PHF2: variants seen among roughly 807,000 people sequenced by gnomAD.
PHF2 encodes lysine-specific demethylase PHF2.
In PHF2, 27 loss-of-function variants were observed where a neutral mutation model predicts 120.5. The ratio of observed to expected loss-of-function variants is 0.22; its 90% CI spans 0.17 to 0.31. PHF2 has a LOEUF of 0.31. Among genes scored for constraint, PHF2 ranks in the 10% least tolerant of loss-of-function variants. The pLI is 1.00. For synonymous variants in PHF2, 568 were observed against 592.5 expected (o/e 0.96, Z 0.60); for missense variants, 1,024 against 1,434.8 (o/e 0.71, Z 4.63).
chr9:93,580,967 G>A (rs906354850), intron 1 of PHF2, among the ~76,000 whole-genome samples: 1 of 152,164 alleles, frequency 6.6e-6, no homozygotes, highest in Non-Finnish European at 1.5e-5. Context: ...AGCCAGTGAG[G>A]AGGTGACTGT....
At chr9:93,587,213 C>T (rs1290401974) in intron 1 of PHF2, among the ~76,000 whole-genome samples, 3 of 148,398 alleles carry the variant, frequency 2.0e-5, no homozygotes, top group South Asian at 2.2e-4. Flanking sequence ...AGAGGAGCCC[C>T]GGGTGAGGGA....
chr9:93,593,246 C>T (rs1011052697), intron 1 of PHF2, among the ~76,000 whole-genome samples: 2 of 152,118 alleles, frequency 1.3e-5, no homozygotes, highest in African/African-American at 2.4e-5. Context: ...CTGAGGGCTG[C>T]ACCCCCTGGA....
chr9:93,615,229 GTGA>G (rs1564381973), intron 1 of PHF2, among the ~76,000 whole-genome samples: 1 of 150,600 alleles, frequency 6.6e-6, no homozygotes, highest in East Asian at 2.0e-4. Context: ...GATAGTAATG[GTGA>G]TGGTGATGGT....
At chr9:93,650,983 G>A (rs1481043990) in intron 5 of PHF2, among the ~76,000 whole-genome samples, 1 of 152,076 alleles carries the variant, frequency 6.6e-6, no homozygotes, top group Non-Finnish European at 1.5e-5. Flanking sequence ...TGTGCATGGT[G>A]GCTCATGCCT....
At chr9:93,580,757 T>C (rs1168729961) in intron 1 of PHF2, among the ~76,000 whole-genome samples, 1 of 152,128 alleles carries the variant, frequency 6.6e-6, no homozygotes, top group Non-Finnish European at 1.5e-5. Flanking sequence ...AGTAAATATT[T>C]GTTGGGCTTG....
chr9:93,583,728 G>T (rs1019161743), intron 1 of PHF2, among the ~76,000 whole-genome samples: 3 of 152,034 alleles, frequency 2.0e-5, no homozygotes, highest in Non-Finnish European at 2.9e-5. Flanking sequence ...GTCTACTCAA[G>T]GCCTTTGCCC....
chr9:93,593,420 A>G (rs1010030698), intron 1 of PHF2, among the ~76,000 whole-genome samples: 2 of 152,190 alleles, frequency 1.3e-5, no homozygotes, highest in Non-Finnish European at 2.9e-5. Flanking sequence ...GCTTTTATCC[A>G]GATTGAAGGC....
At chr9:93,643,341 T>G (rs1826199502) in intron 3 of PHF2, among the ~76,000 whole-genome samples, 1 of 152,204 alleles carries the variant, frequency 6.6e-6, no homozygotes. Context: ...CAAGGACAAT[T>G]TTCTGCCTGT....
intron 1 of PHF2, among the ~76,000 whole-genome samples, chr9:93,606,674 C>CT (rs1282686112): frequency 6.6e-6 from 1 of 152,162 alleles, no homozygotes; most frequent in East Asian, 1.9e-4. Flanking sequence ...TTAACAGTGT[C>CT]TTTTGCACAG....
In PHF2 at chr9:93,656,003, G is replaced by C. The variant is rs992045761; in HGVS notation, c.1022G>C (p.Ser341Thr). ...AFAGHFLHSL[S>T]VEMQMRAYEV... is the part of the protein sequence containing the mutation. Reference sequence around the variant, plus strand: ...GCGGGACATTTCCTCCACAGCCTGAGTGTGGAGATGCAGATGAGGTAGTGC... The same window carrying C: ...GCGGGACATTTCCTCCACAGCCTGACTGTGGAGATGCAGATGAGGTAGTGC... Residue 341 changes from serine to threonine, a missense_variant, in exon 8 of 22, where the codon AGT becomes ACT. This residue lies in a region of PHF2 where 347 missense variants were observed against 577.4 expected (regional missense o/e 0.60). Coordinates refer to ENST00000359246, the MANE Select transcript of PHF2 (RefSeq NM_005392.4). The surrounding 1 kb of genome is among the most constrained non-coding windows in gnomAD (Gnocchi z 4.1). The C allele has an allele frequency of 6.2e-7, 1 of 1,612,402 alleles. No individual in the cohort carries two copies. Among genetic ancestry groups the C allele is most frequent in the East Asian group, 2.2e-5 (1 of 44,838 alleles).
chr9:93,665,795 G>A lies in PHF2; in HGVS notation c.2047G>A (p.Asp683Asn). The part of the protein sequence containing the change: ...VRDEYEYVSD[D>N]GELKIDEFPI... ...GGATGAGTATGAGTACGTGTCGGAT[G>A]ACGGTGAGCTCAAGATCGACGAGTT... Residue 683 changes from aspartate to asparagine, a missense_variant, in exon 15 of 22, where the codon GAC becomes AAC. Asp to Asn is a conservative substitution (Grantham distance 23). This residue lies in a region of PHF2 where 677 missense variants were observed against 857.4 expected (regional missense o/e 0.79). Transcript: ENST00000359246. 1 of 1,614,064 alleles carries A rather than the reference G, an allele frequency of 6.2e-7. No individual in the cohort carries two copies. The highest frequency in any genetic ancestry group is 8.5e-7 in the Non-Finnish European group (1 of 1,180,038).
intron 1 of PHF2, among the ~76,000 whole-genome samples, chr9:93,584,041 T>C (rs1214377138): frequency 2.0e-5 from 3 of 152,162 alleles, no homozygotes; most frequent in African/African-American, 7.2e-5. Context: ...TTGGTCAGGC[T>C]GGTCTCGAAC....
intron 1 of PHF2, among the ~76,000 whole-genome samples, chr9:93,603,460 G>A (rs1170622842): frequency 6.6e-6 from 1 of 152,092 alleles, no homozygotes; most frequent in Non-Finnish European, 1.5e-5. Context: ...GCTGGCTCTG[G>A]ACTCCTGTAG....
intron 1 of PHF2, among the ~76,000 whole-genome samples, chr9:93,627,887 GC>G (rs1326459869): frequency 6.6e-6 from 1 of 152,208 alleles, no homozygotes; most frequent in Non-Finnish European, 1.5e-5. Flanking sequence ...AGGAGAAAGA[GC>G]CAGGTGAGCC....
rs1261145723 is a variant in PHF2 at position 93,602,372 on chromosome 9, C to A, written c.98+25501C>A. ...GGTTCGAGTGATTCTCCTGTCTCAG[C>A]CTCCTGAGTAGCTGGGATTACAGGC... On this transcript the variant is annotated intron_variant, in intron 1 of 21. Coordinates refer to ENST00000359246, the MANE Select transcript of PHF2 (RefSeq NM_005392.4). Among the ~76,000 whole-genome samples the A allele has an allele frequency of 2.0e-5, 3 of 149,618 alleles. No individual in the cohort carries two copies. The East Asian group carries it at 6.0e-4, about 30-fold the overall frequency.
At chr9:93,655,446 G>C (rs1826442332) in intron 7 of PHF2, among the ~76,000 whole-genome samples, 2 of 152,140 alleles carry the variant, frequency 1.3e-5, no homozygotes, top group African/African-American at 4.8e-5. Context: ...TCTGGCCCAG[G>C]CTCTGTCTCC....
intron 1 of PHF2, among the ~76,000 whole-genome samples, chr9:93,613,822 C>G (rs1019904659): frequency 6.6e-6 from 1 of 152,134 alleles, no homozygotes; most frequent in African/African-American, 2.4e-5. Flanking sequence ...AAGGATACCA[C>G]CTCAGCATCC....
Position 93,656,041 on chromosome 9 carries a change from C to G in PHF2, c.1040+20C>G, listed in dbSNP as rs1826453639. On this transcript the variant is annotated intron_variant, in intron 8 of 21. Transcript: ENST00000359246. The surrounding 1 kb of genome is among the most constrained non-coding windows in gnomAD (Gnocchi z 4.1). ...GATGAGGTAGTGCCTGCCGCGCTGTCTGCCCTCGGGCTCCGCAGAGCAGCG... is the reference window on the plus strand; with the variant it reads ...GATGAGGTAGTGCCTGCCGCGCTGTGTGCCCTCGGGCTCCGCAGAGCAGCG... 2 of 1,601,228 alleles carry G rather than the reference C, an allele frequency of 1.2e-6. No individual in the cohort carries two copies. Among genetic ancestry groups the G allele is most frequent in the Admixed American group, 1.7e-5 (1 of 59,200 alleles).
chr9:93,651,581 C>T (rs2117919358), intron 5 of PHF2, among the ~76,000 whole-genome samples: 1 of 152,240 alleles, frequency 6.6e-6, no homozygotes, highest in Non-Finnish European at 1.5e-5. Flanking sequence ...GCTCTTGGGG[C>T]CTGCTGCCTC....
Sources: gnomAD v4.1 joint callset for allele counts (sites outside exome capture counted in the v4.1 genomes callset) on GRCh38, gnomAD v4.1.1 for gene constraint, gnomAD v4.1.1 regional missense constraint, Gnocchi (gnomAD v3.1) non-coding constraint, MANE v1.5 for transcripts, NCBI Gene and HGNC (gene_info 2026-07-23, HGNC 2026-07-21) for gene names.